EXOC6: variants seen among roughly 807,000 people sequenced by gnomAD.
EXOC6 encodes the protein SEC15-like 1.
A neutral mutation model predicts 112.5 loss-of-function variants in EXOC6; 60 were observed. The ratio of observed to expected loss-of-function variants is 0.53; its 90% confidence interval spans 0.43 to 0.66. EXOC6 has a LOEUF of 0.66. Ranked by LOEUF, EXOC6 falls within the 30% of genes least tolerant of loss-of-function variation. EXOC6 has a pLI of 0.00. For synonymous variants in EXOC6, 295 were observed against 308.0 expected, an observed-to-expected ratio of 0.96 and a Z score of 0.44; for missense variants, 855 against 957.1, an observed-to-expected ratio of 0.89 and a Z score of 1.41.
At chr10:92,848,484 C>A, upstream of EXOC6, 1 of 1,264,308 alleles carries the variant, frequency 7.9e-7, no homozygotes, top group South Asian at 1.6e-5. Flanking sequence ...AGCTCGCCCC[C>A]GTCGTTCCCG....
At chr10:92,849,172 CG>C (rs928932220) in intron 1 of EXOC6, among the ~76,000 whole-genome samples, 3 of 152,092 alleles carry the variant, frequency 2.0e-5, no homozygotes, top group African/African-American at 7.2e-5. Flanking sequence ...CCTACTCCCC[CG>C]CGCGGCCGCA....
At chr10:93,015,498 C>A (rs1422298568) in intron 20 of EXOC6, among the ~76,000 whole-genome samples, 4 of 152,142 alleles carry the variant, frequency 2.6e-5, no homozygotes, top group African/African-American at 9.7e-5. Context: ...CTTTGGGAGG[C>A]CGAGGCGGAT....
At chr10:92,832,603 A>G (rs1846522986), upstream of EXOC6, among the ~76,000 whole-genome samples, 1 of 152,070 alleles carries the variant, frequency 6.6e-6, no homozygotes, top group Non-Finnish European at 1.5e-5. Flanking sequence ...CTTAAGCATT[A>G]TGGGGAATAC....
At chr10:93,020,346 C>T (rs957853373) in intron 20 of EXOC6, among the ~76,000 whole-genome samples, 11 of 152,064 alleles carry the variant, frequency 7.2e-5, no homozygotes, top group African/African-American at 2.4e-4. Context: ...TTTATGCCTA[C>T]AGATATATGG....
At chr10:93,032,220 C>G (rs1047910300) in intron 20 of EXOC6, among the ~76,000 whole-genome samples, 3 of 152,024 alleles carry the variant, frequency 2.0e-5, no homozygotes, top group African/African-American at 7.3e-5. Context: ...ACCTGTAGTC[C>G]CAGCTAGTCA....
chr10:92,871,729 A>G (rs1342645803), intron 1 of EXOC6, among the ~76,000 whole-genome samples: 1 of 151,952 alleles, frequency 6.6e-6, no homozygotes, highest in Non-Finnish European at 1.5e-5. Context: ...ATCGGTTTGA[A>G]CCAGGGAGTC....
chr10:92,892,514 T>C (rs1564806251), intron 1 of EXOC6, among the ~76,000 whole-genome samples: 1 of 152,214 alleles, frequency 6.6e-6, no homozygotes, highest in Non-Finnish European at 1.5e-5. Flanking sequence ...CTCCTGCCCC[T>C]CCACAGCTAA....
chr10:93,029,257 CAT>C (rs1845165196), intron 20 of EXOC6, among the ~76,000 whole-genome samples: 1 of 152,166 alleles, frequency 6.6e-6, no homozygotes. Context: ...ATAGTGTAAA[CAT>C]AACTTTCATT....
At chr10:92,902,067 T>TACAC (rs1336082380) in intron 5 of EXOC6, among the ~76,000 whole-genome samples, 2 of 150,806 alleles carry the variant, frequency 1.3e-5, no homozygotes, top group East Asian at 3.9e-4. Flanking sequence ...GTGGACTTAT[T>TACAC]ACACACACAC....
Position 92,974,082 on chromosome 10 carries a change from A to G in EXOC6, c.1803A>G (p.Ile601Met), listed in dbSNP as rs1329458126. 2 of 1,600,284 alleles carry G rather than the reference A, an allele frequency of 1.2e-6. No individual in the cohort carries two copies. The highest frequency in any genetic ancestry group is 1.8e-5 in the Admixed American group (1 of 55,412). Residue 601 changes from isoleucine (I) to methionine (M), a missense_variant, in exon 18 of 22, where the codon ATA (isoleucine) becomes ATG (methionine). This residue lies in a region of EXOC6 where 450 missense variants were observed against 563.5 expected (regional missense o/e 0.80). Coordinates refer to ENST00000260762, the MANE Select transcript of EXOC6 (RefSeq NM_019053.6). ...CTCGACATGCAGCAGAAGGAGAAATATATACCAAACTGAATCAAAAAATTG... is the reference window on the plus strand; with the variant it reads ...CTCGACATGCAGCAGAAGGAGAAATGTATACCAAACTGAATCAAAAAATTG... ...KDARHAAEGE[I>M]YTKLNQKIDE...
intron 8 of EXOC6, among the ~76,000 whole-genome samples, chr10:92,926,570 G>A (rs1851736981): frequency 6.6e-6 from 1 of 151,866 alleles, no homozygotes; most frequent in South Asian, 2.1e-4. Flanking sequence ...GTCTTACTCT[G>A]TTGCCCCAAC....
At chr10:92,938,481 T>A (rs919713342) in intron 12 of EXOC6, among the ~76,000 whole-genome samples, 1 of 152,144 alleles carries the variant, frequency 6.6e-6, no homozygotes, top group Non-Finnish European at 1.5e-5. Context: ...CTTAGTTTTT[T>A]AAATCAGCCC....
intron 19 of EXOC6, among the ~76,000 whole-genome samples, chr10:93,003,249 A>G: frequency 6.6e-6 from 1 of 152,158 alleles, no homozygotes; most frequent in East Asian, 1.9e-4. Flanking sequence ...TCAAAATGTC[A>G]ATCTGCAGGT....
At chr10:92,934,941 G>A (rs1283672445) in intron 11 of EXOC6, among the ~76,000 whole-genome samples, 1 of 151,922 alleles carries the variant, frequency 6.6e-6, no homozygotes, top group Admixed American at 6.6e-5. Flanking sequence ...TCTTCCTAAT[G>A]CCTTTTCTGG....
intron 18 of EXOC6, among the ~76,000 whole-genome samples, chr10:92,994,702 A>T (rs1843404383): frequency 6.6e-6 from 1 of 152,078 alleles, no homozygotes; most frequent in Non-Finnish European, 1.5e-5. Context: ...AGTTTTTAAA[A>T]GATCGTTGTA....
At chr10:92,865,819 G>T (rs1364353555) in intron 1 of EXOC6, among the ~76,000 whole-genome samples, 6 of 152,032 alleles carry the variant, frequency 3.9e-5, no homozygotes, top group Admixed American at 3.3e-4. Context: ...TGTTTTCTAT[G>T]TTATGTTTAT....
At chr10:92,995,464 A>G (rs1238667918) in intron 18 of EXOC6, among the ~76,000 whole-genome samples, 1 of 152,208 alleles carries the variant, frequency 6.6e-6, no homozygotes, top group African/African-American at 2.4e-5. Context: ...TTAGTACATG[A>G]TAGTGGCAGC....
intron 20 of EXOC6, among the ~76,000 whole-genome samples, chr10:93,031,514 T>TTTC (rs1845273370): frequency 2.8e-5 from 2 of 71,612 alleles, no homozygotes; most frequent in African/African-American, 1.2e-4. Flanking sequence ...TTCTTTCTTT[T>TTTC]TTTTTTTTTT....
At chr10:92,851,094 A>G (rs1033280317) in intron 1 of EXOC6, among the ~76,000 whole-genome samples, 6 of 152,356 alleles carry the variant, frequency 3.9e-5, no homozygotes, top group African/African-American at 1.2e-4. Context: ...ATCATTTGTG[A>G]ATGCAGCTAA....
Sources: allele counts gnomAD v4.1 joint callset (sites outside exome capture counted in the v4.1 genomes callset), GRCh38; gene constraint gnomAD v4.1.1; regional missense constraint gnomAD v4.1.1; transcripts MANE v1.5; gene names NCBI Gene and HGNC (gene_info 2026-07-23, HGNC 2026-07-21).